Variants in BBX observed in about 807,000 individuals in gnomAD.
The protein encoded by BBX is BBX high mobility group box domain containing.
BBX carries 30 observed loss-of-function variants against 100.2 expected under a neutral mutation model. That is an observed-to-expected ratio of 0.30 (90% CI 0.22 to 0.41). The LOEUF (loss-of-function observed/expected upper bound fraction) is 0.41. Ranked by LOEUF, BBX falls within the 10% of genes least tolerant of loss-of-function variation. The pLI, the probability that BBX is intolerant of heterozygous loss-of-function variation, is 1.00. For synonymous variants in BBX, 376 were observed against 388.1 expected (o/e 0.97, Z 0.37); for missense variants, 1,023 against 1,129.8 (o/e 0.91, Z 1.35).
intron 2 of BBX, chr3:107,638,488 G>A (rs549982136): frequency 2.6e-5 from 4 of 152,230 alleles, no homozygotes; most frequent in South Asian, 4.1e-4. Flanking sequence ...ACTCCTGTGT[G>A]TCTTCCTTAT....
chr3:107,665,789 C>T (rs1032584103), intron 3 of BBX, among the ~76,000 whole-genome samples: 1 of 152,142 alleles, frequency 6.6e-6, no homozygotes, highest in African/African-American at 2.4e-5. Context: ...TACAGCATAA[C>T]CCCATGTCTT....
chr3:107,751,514 A>G (rs190260090), intron 9 of BBX, among the ~76,000 whole-genome samples: 1 of 152,282 alleles, frequency 6.6e-6, no homozygotes, highest in Admixed American at 6.5e-5. Flanking sequence ...CTTTAAGTCG[A>G]AAATGTTTTG....
At chr3:107,588,015 C>T (rs966029369) in intron 2 of BBX, among the ~76,000 whole-genome samples, 5 of 152,174 alleles carry the variant, frequency 3.3e-5, no homozygotes, top group Admixed American at 6.5e-5. Context: ...TTTAACAATA[C>T]GTATCACTGA....
intron 12 of BBX, among the ~76,000 whole-genome samples, chr3:107,777,641 C>T (rs2067434280): frequency 1.3e-5 from 2 of 152,134 alleles, no homozygotes; most frequent in South Asian, 4.1e-4. Flanking sequence ...ACAGTCAGCA[C>T]CAGCCCAGAG....
chr3:107,602,789 C>G (rs2054152630), intron 2 of BBX, among the ~76,000 whole-genome samples: 1 of 152,192 alleles, frequency 6.6e-6, no homozygotes, highest in Admixed American at 6.5e-5. Flanking sequence ...GGAGGAGTTG[C>G]TTCTTGTGGA....
Position 107,809,508 on chromosome 3 carries a change from C to G in BBX, c.*4051C>G, listed in dbSNP as rs1027158041. On this transcript the variant is annotated 3_prime_UTR_variant, in exon 18 of 18. Transcript: ENST00000325805. ...TTCAATTGCACTGCTCCACAGAGCC[C>G]TCATATAAGGCCAATCCTAATGGGC... is the stretch of plus-strand genomic sequence containing the variant. 1 of 152,146 alleles carries G rather than the reference C, an allele frequency of 6.6e-6. No homozygotes were observed. The highest frequency in any genetic ancestry group is 2.4e-5 in the African/African-American group (1 of 41,420). 9.4% of individuals were successfully genotyped at this position (152,146 alleles called of 1,614,324 possible).
intron 3 of BBX, among the ~76,000 whole-genome samples, chr3:107,689,731 G>T (rs1226658031): frequency 6.6e-6 from 1 of 152,134 alleles, no homozygotes; most frequent in Non-Finnish European, 1.5e-5. Flanking sequence ...ATTACTGAGA[G>T]GTATGAATGA....
At chr3:107,769,874 CT>C (rs1398502763) in intron 10 of BBX, among the ~76,000 whole-genome samples, 1 of 152,144 alleles carries the variant, frequency 6.6e-6, no homozygotes, top group Non-Finnish European at 1.5e-5. Flanking sequence ...TGACGCCCAA[CT>C]CTGAGAGTCT....
chr3:107,605,378 T>TA (rs1473445410), intron 2 of BBX, among the ~76,000 whole-genome samples: 1 of 147,944 alleles, frequency 6.8e-6, no homozygotes, highest in Non-Finnish European at 1.5e-5. Context: ...ACTTTCTATT[T>TA]TTTTTTTTGG....
At chr3:107,735,805 CT>C (rs895333183) in intron 7 of BBX, among the ~76,000 whole-genome samples, 30 of 151,944 alleles carry the variant, frequency 2.0e-4, no homozygotes, top group African/African-American at 6.3e-4. Flanking sequence ...TGTGTATTCT[CT>C]TTTTTTCTGT....
chr3:107,796,282 T>C (rs2069657813), intron 15 of BBX, among the ~76,000 whole-genome samples: 2 of 152,236 alleles, frequency 1.3e-5, no homozygotes, highest in African/African-American at 2.4e-5. Context: ...CCATGCCTTT[T>C]CATTGACCTC....
intron 6 of BBX, 86 bp downstream of exon 6, chr3:107,729,046 G>A: frequency 7.2e-7 from 1 of 1,380,616 alleles, no homozygotes; most frequent in Non-Finnish European, 9.9e-7. Context: ...AGGGCGGGGG[G>A]ACAAAATTTA....
intron 2 of BBX, among the ~76,000 whole-genome samples, chr3:107,596,512 G>C (rs1364977970): frequency 6.6e-6 from 1 of 152,158 alleles, no homozygotes; most frequent in East Asian, 1.9e-4. Flanking sequence ...GGGGCTGGCA[G>C]CTTATGTGAG....
chr3:107,692,294 A>C (rs1201725990), intron 3 of BBX, among the ~76,000 whole-genome samples: 1 of 151,962 alleles, frequency 6.6e-6, no homozygotes, highest in Non-Finnish European at 1.5e-5. Flanking sequence ...CGCTGCACCT[A>C]CTAACTCGTC....
intron 11 of BBX, 73 bp from the exon 12 acceptor site, chr3:107,774,646 C>T (rs1246382734): frequency 1.4e-5 from 21 of 1,495,836 alleles, no homozygotes; most frequent in Non-Finnish European, 1.8e-5. Flanking sequence ...AGAGGTTGCT[C>T]GTGAAGCAAC....
intron 2 of BBX, among the ~76,000 whole-genome samples, chr3:107,538,883 C>G (rs757095358): frequency 6.6e-6 from 1 of 151,954 alleles, no homozygotes; most frequent in Non-Finnish European, 1.5e-5. Context: ...CTCCTGAGCT[C>G]AAGTGATCCT....
chr3:107,561,671 A>G (rs1326276477), intron 2 of BBX, among the ~76,000 whole-genome samples: 2 of 152,232 alleles, frequency 1.3e-5, no homozygotes, highest in Non-Finnish European at 2.9e-5. Flanking sequence ...AAAATGCTAT[A>G]TATTATTTAC....
intron 3 of BBX, among the ~76,000 whole-genome samples, chr3:107,660,505 T>TAAAAAAAAAAA (rs34604623): frequency 5.9e-5 from 6 of 101,322 alleles, no homozygotes; most frequent in Non-Finnish European, 8.0e-5. Context: ...CAAAAAGCAT[T>TAAAAAAAAAAA]AAAAAAAAAA....
intron 2 of BBX, among the ~76,000 whole-genome samples, chr3:107,593,901 T>C (rs1305108451): frequency 2.0e-5 from 3 of 152,174 alleles, no homozygotes; most frequent in East Asian, 3.8e-4. Flanking sequence ...AGAAATAACA[T>C]TGCATGCACA....
Sources: allele counts gnomAD v4.1 joint callset (sites outside exome capture counted in the v4.1 genomes callset), GRCh38; gene constraint gnomAD v4.1.1; transcripts MANE v1.5; gene names NCBI Gene and HGNC (gene_info 2026-07-23, HGNC 2026-07-21).